The following TLN2 variants were observed in gnomAD, a reference collection of about 807,000 sequenced individuals.
The protein encoded by TLN2 is talin 2.
In TLN2, 118 loss-of-function variants were observed where a neutral mutation model predicts 294.7. The ratio of observed to expected loss-of-function variants is 0.40; its 90% confidence interval spans 0.34 to 0.47. The LOEUF is 0.47. Ranked by LOEUF, TLN2 falls within the 20% of genes least tolerant of loss-of-function variation. The pLI is 0.84. For synonymous variants in TLN2, 1,431 were observed against 1,304.5 expected, an observed-to-expected ratio of 1.10 and a Z score of -2.09; for missense variants, 3,083 against 3,282.2, an observed-to-expected ratio of 0.94 and a Z score of 1.48.
chr15:62,591,760 G>A (rs2046093629), intron 2 of TLN2, among the ~76,000 whole-genome samples: 1 of 152,138 alleles, frequency 6.6e-6, no homozygotes, highest in Non-Finnish European at 1.5e-5. Flanking sequence ...TTGGGTGTGA[G>A]GAGCTCCAGG....
intron 1 of TLN2, among the ~76,000 whole-genome samples, chr15:62,504,136 C>T (rs1299142378): frequency 6.6e-6 from 1 of 152,142 alleles, no homozygotes; most frequent in African/African-American, 2.4e-5. Context: ...GGTAGTAGCT[C>T]TAGATTTTGT....
At chr15:62,623,888 T>C (rs796847667) in intron 3 of TLN2, among the ~76,000 whole-genome samples, 12 of 152,368 alleles carry the variant, frequency 7.9e-5, no homozygotes, top group African/African-American at 2.6e-4. Context: ...CCACTGAGGA[T>C]TGACCCATCA....
chr15:62,422,554 C>A (rs2034474482), intron 1 of TLN2, among the ~76,000 whole-genome samples: 1 of 152,154 alleles, frequency 6.6e-6, no homozygotes, highest in Admixed American at 6.5e-5. Flanking sequence ...GCTTTTCAGA[C>A]CAAGACAGAG....
chr15:62,636,077 G>A lies in TLN2; in HGVS notation c.-36-11198G>A, dbSNP rs77007607. Reference sequence around the variant, plus strand: ...AGGGCTTAGCATCAGTGCCAGGCGCGTAATCACTTACATGTGTTAGCTGCT... The same window carrying A: ...AGGGCTTAGCATCAGTGCCAGGCGCATAATCACTTACATGTGTTAGCTGCT... On this transcript the variant is annotated intron_variant, in intron 3 of 58. Transcript: ENST00000636159. 1.8e-3 allele frequency among the ~76,000 whole-genome samples: 276 copies of A among 152,172 alleles called. 5 individuals are homozygous for A. The highest frequency in any genetic ancestry group is 4.8e-3 in the East Asian group (25 of 5,178).
At chr15:62,758,359 A>C (rs1450870039) in intron 37 of TLN2, among the ~76,000 whole-genome samples, 1 of 152,146 alleles carries the variant, frequency 6.6e-6, no homozygotes, top group South Asian at 2.1e-4. Flanking sequence ...CACACCCCTA[A>C]CCACAGCGGC....
chr15:62,479,035 C>T (rs994630752), intron 1 of TLN2, among the ~76,000 whole-genome samples: 3 of 152,290 alleles, frequency 2.0e-5, no homozygotes, highest in East Asian at 1.9e-4. Flanking sequence ...TAAATCCATG[C>T]GTATAACCCC....
In TLN2 at chr15:62,444,448, C is replaced by T. The variant is rs959131483; in HGVS notation, c.-238+53763C>T. 5.3e-5 allele frequency among the ~76,000 whole-genome samples: 8 copies of T among 152,224 alleles called. No homozygotes were observed. In the South Asian group the frequency reaches 1.0e-3, roughly 20 times the overall value. On this transcript the variant is annotated intron_variant, in intron 1 of 58. Transcript: ENST00000636159. ...CCCAAATTTGTGAATACTCCCATAG[C>T]ATATAACTTAACCTATAAAATGGAA...
At chr15:62,477,212 A>G (rs1381804412) in intron 1 of TLN2, among the ~76,000 whole-genome samples, 2 of 152,194 alleles carry the variant, frequency 1.3e-5, no homozygotes, top group Non-Finnish European at 2.9e-5. Flanking sequence ...TCTTGTTAAA[A>G]CACAGATCCT....
intron 7 of TLN2, among the ~76,000 whole-genome samples, chr15:62,654,996 G>T (rs559644799): frequency 1.3e-5 from 2 of 151,566 alleles, no homozygotes; most frequent in East Asian, 3.9e-4. Context: ...TGGCTGTATC[G>T]GGATGACATC....
Position 62,840,937 on chromosome 15 carries a change from T to A in TLN2, c.*327T>A. ...TTGTTCTCAGACACTTTGGCTTTTGTTGGTCCTTCTCTTAGGCCTGCTCCT... is the reference window on the plus strand; with the variant it reads ...TTGTTCTCAGACACTTTGGCTTTTGATGGTCCTTCTCTTAGGCCTGCTCCT... On this transcript the variant is annotated 3_prime_UTR_variant, in exon 59 of 59. Transcript: ENST00000636159. The A allele has an allele frequency of 4.7e-6, 1 of 211,626 alleles. No individual in the cohort carries two copies. The highest frequency in any genetic ancestry group is 2.3e-5 in the African/African-American group (1 of 43,796). 13.1% of individuals were successfully genotyped at this position (211,626 alleles called of 1,614,324 possible). A position where few individuals can be genotyped will look rare whatever the true frequency, so the allele number is the denominator to read the frequency against.
Position 62,650,002 on chromosome 15 carries a change from A to C in TLN2, c.137-82A>C. On this transcript the variant is annotated intron_variant, in intron 4 of 58. Transcript: ENST00000636159. ...AAGGAGAACACCCACATCCTTGCTG[A>C]GTCAGCAGGCTCAGGGCCTGGAAGT... is the stretch of plus-strand genomic sequence containing the variant. The C allele has an allele frequency of 5.1e-6, 7 of 1,368,184 alleles. No individual in the cohort carries two copies. The Admixed American group carries it at 1.2e-4, about 23-fold the overall frequency. 84.8% of individuals were successfully genotyped at this position (1,368,184 alleles called of 1,614,324 possible).
intron 45 of TLN2, chr15:62,784,162 T>C: frequency 6.5e-6 from 3 of 459,684 alleles, no homozygotes; most frequent in Non-Finnish European, 7.6e-6. Context: ...TCAGGTCCCC[T>C]GTCCCTAGCC....
intron 12 of TLN2, among the ~76,000 whole-genome samples, chr15:62,687,264 G>A (rs1176177200): frequency 1.3e-5 from 2 of 152,196 alleles, no homozygotes; most frequent in African/African-American, 4.8e-5. Context: ...GTGGACTTTA[G>A]GATAGTATTA....
Position 62,655,951 on chromosome 15 carries a change from G to A in TLN2, c.525G>A (p.Trp175Ter). The A allele has an allele frequency of 6.2e-7, 1 of 1,614,156 alleles. No homozygotes were observed. Among genetic ancestry groups the A allele is most frequent in the Non-Finnish European group, 8.5e-7 (1 of 1,180,022 alleles). Residue 175 changes from tryptophan to a stop codon, truncating the protein, a stop_gained, in exon 8 of 59, where the codon TGG becomes TGA. Transcript: ENST00000636159. LOFTEE classifies it high-confidence loss of function. ...TGTCTTGTTGTGTTGCAGTAAATTG[G>A]CTGGATCACAGCCGAACATTCAGAG... Reference protein sequence around the residue: ...AKLHTDDDLNWLDHSRTFREQ... With the variant: ...AKLHTDDDLN
chr15:62,501,540 G>T (rs1303167147), intron 1 of TLN2, among the ~76,000 whole-genome samples: 3 of 152,196 alleles, frequency 2.0e-5, no homozygotes, highest in African/African-American at 7.2e-5. Context: ...TTAATTCCTG[G>T]TTAGGGCTTT....
At chr15:62,527,979 T>A (rs1450875723) in intron 1 of TLN2, among the ~76,000 whole-genome samples, 1 of 152,210 alleles carries the variant, frequency 6.6e-6, no homozygotes, top group African/African-American at 2.4e-5. Flanking sequence ...TAAAAAATAC[T>A]TTAAAAAATC....
intron 54 of TLN2, among the ~76,000 whole-genome samples, chr15:62,823,066 C>T (rs1567681174): frequency 6.6e-6 from 1 of 152,152 alleles, no homozygotes; most frequent in Non-Finnish European, 1.5e-5. Flanking sequence ...AGGAGTCCTT[C>T]GGCCAAGGTC....
At chr15:62,700,472 A>G (rs2058644875) in intron 16 of TLN2, among the ~76,000 whole-genome samples, 1 of 152,212 alleles carries the variant, frequency 6.6e-6, no homozygotes, top group Admixed American at 6.5e-5. Context: ...TTTCCATGGT[A>G]GAAGAAGTAT....
chr15:62,806,855 C>T lies in TLN2; in HGVS notation c.6663+1070C>T, dbSNP rs150168126. On this transcript the variant is annotated intron_variant, in intron 51 of 58. Transcript: ENST00000636159. ...TCCTACAGCGTGGGGTCTCAGGGAG[C>T]AGAGCCATTCTTTGTGGTAAAGTGA... Among the ~76,000 whole-genome samples the T allele has an allele frequency of 1.1e-3, 165 of 152,224 alleles. 1 individual carries two copies. The highest frequency in any genetic ancestry group is 3.8e-3 in the African/African-American group (158 of 41,538).
Sources: gnomAD v4.1 joint callset for allele counts (sites outside exome capture counted in the v4.1 genomes callset) on GRCh38, gnomAD v4.1.1 for gene constraint, MANE v1.5 for transcripts, NCBI Gene and HGNC (gene_info 2026-07-23, HGNC 2026-07-21) for gene names.